Variants in PGCKA1 observed in about 807,000 individuals in gnomAD.
PGCKA1 encodes PDCD10 and GCKIII kinases associated 1, also known as PDCD10 and GCKIII kinases-associated protein 1.
the PGCKA1 span, among the ~76,000 whole-genome samples, chr4:37,536,138 T>C: frequency 6.6e-6 from 1 of 152,120 alleles, no homozygotes; most frequent in African/African-American, 2.4e-5. Context: ...TAACTGGCCA[T>C]ATAGCCAGGG....
At chr4:37,522,988 C>T in the PGCKA1 span, among the ~76,000 whole-genome samples, 4,099 of 152,188 alleles carry the variant, frequency 0.027, 98 homozygotes, top group Non-Finnish European at 0.043. Flanking sequence ...GTCACCCCAG[C>T]GGATGTCTCA....
At chr4:37,581,766 GC>G in the PGCKA1 span, among the ~76,000 whole-genome samples, 6 of 152,016 alleles carry the variant, frequency 3.9e-5, no homozygotes, top group Admixed American at 2.6e-4. The surrounding 1 kb of genome is among the most constrained non-coding windows in gnomAD (Gnocchi z 4.4). Flanking sequence ...TAGATCAGGT[GC>G]CCCCCCAGGT....
chr4:37,497,000 A>G, the PGCKA1 span, among the ~76,000 whole-genome samples: 1 of 152,208 alleles, frequency 6.6e-6, no homozygotes, highest in East Asian at 1.9e-4. Context: ...TAAGTTCTTT[A>G]GTGGTGATTT....
the PGCKA1 span, among the ~76,000 whole-genome samples, chr4:37,542,824 T>C: frequency 1.3e-5 from 2 of 152,244 alleles, no homozygotes; most frequent in African/African-American, 4.8e-5. Flanking sequence ...ATCTCTATTA[T>C]ATCATTGCAT....
chr4:37,475,979 T>G, the PGCKA1 span, among the ~76,000 whole-genome samples: 1 of 150,132 alleles, frequency 6.7e-6, no homozygotes, highest in Non-Finnish European at 1.5e-5. Context: ...ATTATTTTAT[T>G]TTACAATACA....
chr4:37,492,099 T>A, the PGCKA1 span, among the ~76,000 whole-genome samples: 1 of 152,032 alleles, frequency 6.6e-6, no homozygotes, highest in East Asian at 1.9e-4. The surrounding 1 kb of genome is among the most constrained non-coding windows in gnomAD (Gnocchi z 4.7). Context: ...TGGAGTGCAG[T>A]GGCGTGATCT....
At chr4:37,587,043 C>G in the PGCKA1 span, among the ~76,000 whole-genome samples, 8 of 152,186 alleles carry the variant, frequency 5.3e-5, no homozygotes, top group Non-Finnish European at 1.2e-4. Context: ...ACCGGGGCCA[C>G]ACTCTTTCCA....
the PGCKA1 span, among the ~76,000 whole-genome samples, chr4:37,488,928 C>A: frequency 6.6e-6 from 1 of 152,036 alleles, no homozygotes; most frequent in African/African-American, 2.4e-5. Context: ...TTTTTTCAAC[C>A]AAACCCATTT....
At chr4:37,509,064 C>G in the PGCKA1 span, among the ~76,000 whole-genome samples, 7 of 151,048 alleles carry the variant, frequency 4.6e-5, no homozygotes, top group Non-Finnish European at 8.8e-5. Context: ...AATGGAGTCT[C>G]CTATGTCTAC....
the PGCKA1 span, among the ~76,000 whole-genome samples, chr4:37,516,625 G>A: frequency 0.052 from 7,974 of 152,116 alleles, 639 homozygotes; most frequent in African/African-American, 0.16. Flanking sequence ...ATCACACCAC[G>A]AGCTCAAATA....
chr4:37,500,938 C>T, the PGCKA1 span, among the ~76,000 whole-genome samples: 1 of 152,124 alleles, frequency 6.6e-6, no homozygotes, highest in East Asian at 1.9e-4. Flanking sequence ...ACTGCAGCCC[C>T]TTATTTTTTT....
the PGCKA1 span, among the ~76,000 whole-genome samples, chr4:37,463,818 A>AG: frequency 6.6e-6 from 1 of 152,038 alleles, no homozygotes; most frequent in African/African-American, 2.4e-5. Context: ...ACCAAAAAAA[A>AG]AAAAAACTAA....
chr4:37,478,887 A>G, the PGCKA1 span, among the ~76,000 whole-genome samples: 1 of 152,212 alleles, frequency 6.6e-6, no homozygotes, highest in African/African-American at 2.4e-5. Flanking sequence ...TCCCGTAAAC[A>G]TCTTGTCATC....
the PGCKA1 span, among the ~76,000 whole-genome samples, chr4:37,514,491 C>A: frequency 3.9e-5 from 6 of 152,054 alleles, no homozygotes; most frequent in African/African-American, 1.2e-4. Context: ...AAGAACAATT[C>A]TGAAATCCTC....
the PGCKA1 span, among the ~76,000 whole-genome samples, chr4:37,478,749 T>C: frequency 6.6e-6 from 1 of 152,200 alleles, no homozygotes; most frequent in Non-Finnish European, 1.5e-5. Context: ...ACAAGCAATC[T>C]CATCCCATTA....
the PGCKA1 span, among the ~76,000 whole-genome samples, chr4:37,476,238 T>A: frequency 1.3e-5 from 2 of 152,208 alleles, no homozygotes; most frequent in Non-Finnish European, 2.9e-5. Context: ...TTATCATCAC[T>A]AATGTTCTCA....
the PGCKA1 span, among the ~76,000 whole-genome samples, chr4:37,492,715 G>A: frequency 6.6e-6 from 1 of 152,184 alleles, no homozygotes; most frequent in Non-Finnish European, 1.5e-5. The surrounding 1 kb of genome is among the most constrained non-coding windows in gnomAD (Gnocchi z 4.7). Flanking sequence ...TAAACTTCCA[G>A]ACTTCTGCTG....
At chr4:37,513,098 AAAAGAAAGAAAG>A in the PGCKA1 span, among the ~76,000 whole-genome samples, 6 of 112,850 alleles carry the variant, frequency 5.3e-5, no homozygotes, top group South Asian at 2.9e-4. Context: ...TCAAAAAAAA[AAAAGAAAGAAAG>A]AAAGAAAGAA....
At chr4:37,523,844 G>T in the PGCKA1 span, among the ~76,000 whole-genome samples, 1 of 152,092 alleles carries the variant, frequency 6.6e-6, no homozygotes, top group Admixed American at 6.5e-5. Flanking sequence ...TTCCTTGGTG[G>T]TGCATACAAG....
Sources: gnomAD v4.1 joint callset for allele counts (sites outside exome capture counted in the v4.1 genomes callset) on GRCh38, gnomAD v4.1.1 for gene constraint, Gnocchi (gnomAD v3.1) non-coding constraint, MANE v1.5 for transcripts, NCBI Gene and HGNC (gene_info 2026-07-23, HGNC 2026-07-21) for gene names.